The following USP14 variants were observed in gnomAD, a reference collection of about 807,000 sequenced individuals.
USP14 encodes the protein ubiquitin carboxyl-terminal hydrolase 14.
In USP14, 38 loss-of-function variants were observed where a neutral mutation model predicts 76.5. That is an observed-to-expected ratio of 0.50 (90% confidence interval 0.38 to 0.65). USP14 has a LOEUF of 0.65. Among genes scored for constraint, USP14 ranks in the 30% least tolerant of loss-of-function variants. The pLI, the probability that USP14 is intolerant of heterozygous loss-of-function variation, is 0.00. For synonymous variants in USP14, 192 were observed against 191.7 expected, an observed-to-expected ratio of 1.00 and a Z score of -0.01; for missense variants, 467 against 586.5, an observed-to-expected ratio of 0.80 and a Z score of 2.10.
intron 13 of USP14, among the ~76,000 whole-genome samples, chr18:204,961 A>G (rs1005183951): frequency 1.3e-5 from 2 of 151,166 alleles, no homozygotes; most frequent in African/African-American, 4.9e-5. Flanking sequence ...TGCAGTCTCA[A>G]CCTCCCAGGC....
intron 3 of USP14, among the ~76,000 whole-genome samples, chr18:169,447 G>A (rs1015263142): frequency 6.7e-6 from 1 of 148,926 alleles, no homozygotes; most frequent in Non-Finnish European, 1.5e-5. Context: ...GTTACATTTT[G>A]TTAAGTGTTT....
intron 3 of USP14, among the ~76,000 whole-genome samples, chr18:177,422 TAAAAA>T (rs550087165): frequency 4.6e-5 from 5 of 108,656 alleles, no homozygotes; most frequent in African/African-American, 1.4e-4. Context: ...TCCCTGTCTC[TAAAAA>T]AAAAAAAAAA....
At chr18:159,634 TTGA>T (rs1019273603) in intron 1 of USP14, among the ~76,000 whole-genome samples, 9 of 152,254 alleles carry the variant, frequency 5.9e-5, no homozygotes, top group African/African-American at 2.2e-4. Flanking sequence ...AGGTGGATTC[TTGA>T]TGGTCTAGAA....
At chr18:173,318 A>G (rs932832586) in intron 3 of USP14, among the ~76,000 whole-genome samples, 5 of 151,388 alleles carry the variant, frequency 3.3e-5, no homozygotes, top group Admixed American at 6.6e-5. Context: ...TCACCATGTT[A>G]GCCAGGATGG....
intron 13 of USP14, among the ~76,000 whole-genome samples, chr18:206,661 A>G (rs1032695204): frequency 6.6e-6 from 1 of 152,162 alleles, no homozygotes; most frequent in African/African-American, 2.4e-5. Context: ...GCACTTTAGG[A>G]GGCTGAGACA....
intron 3 of USP14, among the ~76,000 whole-genome samples, chr18:169,479 G>C (rs1030481757): frequency 6.8e-6 from 1 of 147,628 alleles, no homozygotes; most frequent in Admixed American, 6.7e-5. Context: ...TAAAATGATG[G>C]TGTGATTTTT....
chr18:184,569 C>T (rs555900275), intron 5 of USP14, among the ~76,000 whole-genome samples: 106 of 152,102 alleles, frequency 7.0e-4, no homozygotes, highest in African/African-American at 2.6e-3. Context: ...GCCTCGGCAA[C>T]GTGGCAAAAC....
intron 12 of USP14, among the ~76,000 whole-genome samples, chr18:203,617 T>C (rs1910446142): frequency 7.8e-6 from 1 of 127,696 alleles, no homozygotes; most frequent in South Asian, 2.3e-4. Context: ...GGTTTCTTTC[T>C]TTTTTTTTTT....
At chr18:179,947 T>C (rs1361836195) in intron 4 of USP14, among the ~76,000 whole-genome samples, 3 of 152,014 alleles carry the variant, frequency 2.0e-5, no homozygotes, top group Non-Finnish European at 4.4e-5. Flanking sequence ...ATATTTTGCC[T>C]ATTCTCTTCT....
In USP14 at chr18:211,236, C is replaced by G. The variant is rs1424945875; in HGVS notation, c.1437C>G (p.Leu479=). 2 of 1,613,780 alleles carry G rather than the reference C, an allele frequency of 1.2e-6. No individual in the cohort carries two copies. The highest frequency in any genetic ancestry group is 1.7e-6 in the Non-Finnish European group (2 of 1,179,772). ...GGDWHIAYVL[L]YGPRRVEIME... is the part of the protein sequence containing the mutation. ...ACTGGCATATCGCTTACGTTCTACTCTATGGGCCTCGCAGAGTTGAAATAA... is the reference window on the plus strand; with the variant it reads ...ACTGGCATATCGCTTACGTTCTACTGTATGGGCCTCGCAGAGTTGAAATAA... The change falls in exon 16 of 16, where the codon CTC becomes CTG. Residue 479 remains leucine (L), a synonymous_variant. Coordinates refer to ENST00000261601, the MANE Select transcript of USP14 (RefSeq NM_005151.4).
chr18:195,260 A>G (rs992031806), intron 6 of USP14, among the ~76,000 whole-genome samples: 8 of 152,130 alleles, frequency 5.3e-5, no homozygotes, highest in African/African-American at 1.9e-4. Context: ...ATTTAAAAAA[A>G]TAATTAGCTT....
chr18:212,889 C>CACA lies in USP14; in HGVS notation c.*1609_*1611dup, dbSNP rs1174651367. ...TATGTTGTTTTAATGCTCGGCAGAG[C>CACA]ACAACACTGATGATAACTATTAAAA... On this transcript the variant is annotated 3_prime_UTR_variant, in exon 16 of 16. Coordinates refer to ENST00000261601, the MANE Select transcript of USP14 (RefSeq NM_005151.4). 1.3e-5 allele frequency: 2 copies of CACA among 152,136 alleles called. No individual in the cohort carries two copies. Among genetic ancestry groups the CACA allele is most frequent in the East Asian group, 1.9e-4 (1 of 5,194 alleles). The allele number at this position is 152,136 out of a possible 1,614,324, so 9.4% of individuals were successfully genotyped here. A position where few individuals can be genotyped will look rare whatever the true frequency, so the allele number is the denominator to read the frequency against.
chr18:171,025 A>AAAATATATATATATATATAT lies in USP14; in HGVS notation c.195+4207_195+4208insAATATATATATATATATATA, dbSNP rs1327304974. 3.4e-4 allele frequency among the ~76,000 whole-genome samples: 16 copies of AAAATATATATATATATATAT among 47,636 alleles called. No homozygotes were observed. The East Asian group carries it at 6.5e-3, about 19-fold the overall frequency. 31.3% of individuals were successfully genotyped at this position (47,636 alleles called of 152,430 possible). ...CCTGGAACTTAAAAAAAAAAAAAAAAATATATATATATATATATATATATA... is the reference window on the plus strand; with the variant it reads ...CCTGGAACTTAAAAAAAAAAAAAAAAAAATATATATATATATATATATATATATATATATATATATATATA... On this transcript the variant is annotated intron_variant, in intron 3 of 15. Coordinates refer to ENST00000261601, the MANE Select transcript of USP14 (RefSeq NM_005151.4).
chr18:188,576 T>A (rs1909999468), intron 5 of USP14, among the ~76,000 whole-genome samples: 1 of 151,666 alleles, frequency 6.6e-6, no homozygotes, highest in African/African-American at 2.4e-5. Context: ...GTCTATCTTT[T>A]CCTGGAACTT....
At chr18:171,009 T>TAAAAAAA (rs145131497) in intron 3 of USP14, among the ~76,000 whole-genome samples, 8 of 91,730 alleles carry the variant, frequency 8.7e-5, no homozygotes, top group African/African-American at 3.7e-4. Context: ...CCCTGGAACT[T>TAAAAAAA]AAAAAAAAAA....
At chr18:161,091 C>T (rs1036841517) in intron 1 of USP14, among the ~76,000 whole-genome samples, 5 of 152,170 alleles carry the variant, frequency 3.3e-5, no homozygotes, top group African/African-American at 1.2e-4. Context: ...CCATGCCTAG[C>T]TCATTTTTGT....
At chr18:163,769 A>G (rs532707061) in intron 2 of USP14, among the ~76,000 whole-genome samples, 12 of 151,706 alleles carry the variant, frequency 7.9e-5, no homozygotes, top group African/African-American at 2.2e-4. Flanking sequence ...CAGGGTTTCA[A>G]TGTACGGATT....
intron 12 of USP14, among the ~76,000 whole-genome samples, chr18:203,839 C>T (rs1039119477): frequency 6.6e-6 from 1 of 152,066 alleles, no homozygotes; most frequent in Non-Finnish European, 1.5e-5. Context: ...ACCTCTTGAT[C>T]CGCCCGCTTT....
At chr18:163,517 A>G in intron 2 of USP14, 64 bp downstream of exon 2, 1 of 1,528,410 alleles carries the variant, frequency 6.5e-7, no homozygotes, top group Non-Finnish European at 8.8e-7. Flanking sequence ...AAATAACGCC[A>G]GAAAATTATT....
Sources: allele counts gnomAD v4.1 joint callset (sites outside exome capture counted in the v4.1 genomes callset), GRCh38; gene constraint gnomAD v4.1.1; transcripts MANE v1.5; gene names NCBI Gene and HGNC (gene_info 2026-07-23, HGNC 2026-07-21).